Variants in KNTC1 observed in about 807,000 individuals in gnomAD.
KNTC1 encodes kinetochore associated 1, also known as kinetochore-associated protein 1.
KNTC1 carries 253 observed loss-of-function variants against 314.4 expected under a neutral mutation model. The observed-to-expected ratio is 0.80, with a 90% confidence interval of 0.73 to 0.89. The LOEUF (loss-of-function observed/expected upper bound fraction) is 0.89. Ranked by LOEUF, KNTC1 falls within the 40% of genes least tolerant of loss-of-function variation. The probability of loss-of-function intolerance (pLI) is 0.00; values close to 1 mark genes in which losing one functional copy is unlikely to be tolerated. For synonymous variants in KNTC1, 901 were observed against 901.4 expected (o/e 1.00, Z 0.01); for missense variants, 2,475 against 2,572.9 (o/e 0.96, Z 0.82).
intron 5 of KNTC1, among the ~76,000 whole-genome samples, chr12:122,541,656 TTCTC>T (rs983286973): frequency 7.6e-6 from 1 of 132,062 alleles, no homozygotes; most frequent in African/African-American, 2.5e-5. Flanking sequence ...CTTTCTGTCT[TTCTC>T]TCTTTCTTCA....
chr12:122,575,926 T>C, intron 29 of KNTC1, 27 bp downstream of exon 29: 3 of 1,570,408 alleles, frequency 1.9e-6, no homozygotes, highest in Non-Finnish European at 2.6e-6. Flanking sequence ...AAGAGTCTTT[T>C]TTCTCTTTCA....
At chr12:122,542,880 G>A (rs752996284) in intron 6 of KNTC1, among the ~76,000 whole-genome samples, 3 of 152,014 alleles carry the variant, frequency 2.0e-5, no homozygotes, top group Non-Finnish European at 4.4e-5. Context: ...TTTGGAACAG[G>A]TATTTAACAT....
chr12:122,547,661 C>T, intron 11 of KNTC1, 131 bp downstream of exon 11: 1 of 685,586 alleles, frequency 1.5e-6, no homozygotes, highest in African/African-American at 1.8e-5. Flanking sequence ...AGAGTAAAGA[C>T]CGTTTGCAAA....
chr12:122,603,080 A>T lies in KNTC1; in HGVS notation c.4938A>T (p.Lys1646Asn). The T allele has an allele frequency of 6.2e-7, 1 of 1,613,850 alleles. No homozygotes were observed. The highest frequency in any genetic ancestry group is 8.5e-7 in the Non-Finnish European group (1 of 1,179,882). The part of the protein sequence containing the change: ...VSTAKHVFEK[K>N]LKPKLLKLTQ... Reference sequence around the variant, plus strand: ...CAGCAAAACACGTTTTCGAAAAAAAACTGAAGCCAAAGCTCCTGAAGTTAA... The same window carrying T: ...CAGCAAAACACGTTTTCGAAAAAAATCTGAAGCCAAAGCTCCTGAAGTTAA... The change falls in exon 48 of 64, where the codon AAA becomes AAT. Residue 1646 changes from lysine (K) to asparagine (N), a missense_variant. Transcript: ENST00000333479.
chr12:122,568,750 T>G (rs1255852153), intron 21 of KNTC1, among the ~76,000 whole-genome samples: 3 of 152,026 alleles, frequency 2.0e-5, no homozygotes. Context: ...GCAGGGGAAT[T>G]TCTTTAACCC....
In KNTC1 at chr12:122,527,253, T is replaced by G; in HGVS notation, c.-172T>G. 4 of 270,462 alleles carry G rather than the reference T, an allele frequency of 1.5e-5. No homozygotes were observed. The South Asian group carries it at 1.6e-4, about 11-fold the overall frequency. The allele number at this position is 270,462 out of a possible 1,614,324, so 16.8% of individuals were successfully genotyped here. A position where few individuals can be genotyped will look rare whatever the true frequency, so the allele number is the denominator to read the frequency against. On this transcript the variant is annotated 5_prime_UTR_variant, in exon 1 of 64. Coordinates refer to ENST00000333479, the MANE Select transcript of KNTC1 (RefSeq NM_014708.6). ...TGGGTTTAGTGTTCTCCCGCCAATT[T>G]AAGCCTGTGGCATGGAACCTAAAGA...
At position 122,620,507 on chromosome 12, in the gene KNTC1, A is replaced by T. The variant is rs560306260; in HGVS notation, c.6178A>T (p.Ile2060Phe). Residue 2060 changes from isoleucine to phenylalanine, a missense_variant, in exon 60 of 64, where the codon ATC (isoleucine) becomes TTC (phenylalanine). Transcript: ENST00000333479. The stretch of plus-strand genomic sequence containing the variant: ...TCCAGTCTCAGGTGATCTTGACCTG[A>T]TCGGAGTCGCCAGGCAGTATATCCA... ...ECPVSGDLDL[I>F]GVARQYIQLE... 191 of 1,613,394 alleles carry T rather than the reference A, an allele frequency of 1.2e-4. No individual in the cohort carries two copies. Among genetic ancestry groups the T allele is most frequent in the Non-Finnish European group, 1.6e-4 (186 of 1,179,546 alleles).
chr12:122,599,775 A>G (rs748834727), intron 44 of KNTC1, among the ~76,000 whole-genome samples: 2 of 152,176 alleles, frequency 1.3e-5, no homozygotes, highest in Non-Finnish European at 2.9e-5. Context: ...CACTTTGTTC[A>G]ATGTTGTTTT....
intron 20 of KNTC1, among the ~76,000 whole-genome samples, chr12:122,563,217 T>G (rs988042657): frequency 6.6e-6 from 1 of 151,916 alleles, no homozygotes; most frequent in Non-Finnish European, 1.5e-5. Context: ...GTCACCCAGG[T>G]TCGAGTGCAG....
At chr12:122,578,721 A>G (rs574414556) in intron 31 of KNTC1, among the ~76,000 whole-genome samples, 52 of 152,196 alleles carry the variant, frequency 3.4e-4, no homozygotes, top group Middle Eastern at 6.8e-3. Flanking sequence ...CACTTGGCCA[A>G]TAGTTGGATT....
chr12:122,590,496 A>T, intron 40 of KNTC1, 111 bp from the exon 41 acceptor site: 1 of 1,085,812 alleles, frequency 9.2e-7, no homozygotes, highest in Non-Finnish European at 1.3e-6. Flanking sequence ...AGTTTTTTTT[A>T]AGTATAAATT....
intron 60 of KNTC1, among the ~76,000 whole-genome samples, chr12:122,621,432 G>A (rs1874420889): frequency 6.6e-6 from 1 of 152,072 alleles, no homozygotes; most frequent in South Asian, 2.1e-4. Flanking sequence ...GCTCACTGCA[G>A]CCTCCCTCCC....
chr12:122,561,338 T>A (rs907059926), intron 18 of KNTC1, among the ~76,000 whole-genome samples: 3 of 151,774 alleles, frequency 2.0e-5, no homozygotes, highest in Admixed American at 6.6e-5. Flanking sequence ...ATAATAATAA[T>A]AAATAAAAAA....
rs1375352924 is a variant in KNTC1, at chr12:122,547,673, T to C, written c.932+143T>C. On this transcript the variant is annotated intron_variant, in intron 11 of 63. Coordinates refer to ENST00000333479, the MANE Select transcript of KNTC1 (RefSeq NM_014708.6). The stretch of plus-strand genomic sequence containing the variant: ...GACAGAGTAAAGACCGTTTGCAAAA[T>C]TCACTGGGAACAGTTAGGCAATATG... 10 of 659,278 alleles carry C rather than the reference T, an allele frequency of 1.5e-5. 1 individual carries two copies. In the Middle Eastern group the frequency reaches 1.1e-3, roughly 75 times the overall value. The allele number at this position is 659,278 out of a possible 1,614,324, so 40.8% of individuals were successfully genotyped here. A position where few individuals can be genotyped will look rare whatever the true frequency, so the allele number is the denominator to read the frequency against.
rs569545202 is a variant in KNTC1 at position 122,619,121 on chromosome 12, G to A, written c.6149+576G>A. On this transcript the variant is annotated intron_variant, in intron 59 of 63. Transcript: ENST00000333479. ...CACCCAGGCTGGAGTGCAGTGGTGC[G>A]ACCTCAGCTCACTGCAAGCTCCGCC... 1.3e-4 allele frequency among the ~76,000 whole-genome samples: 18 copies of A among 141,040 alleles called. No individual in the cohort carries two copies. The South Asian group carries it at 4.0e-3, about 31-fold the overall frequency. The allele number at this position is 141,040 out of a possible 152,430, so 92.5% of individuals were successfully genotyped here.
chr12:122,562,778 G>A, intron 20 of KNTC1, 79 bp downstream of exon 20: 2 of 815,486 alleles, frequency 2.5e-6, no homozygotes, highest in Non-Finnish European at 2.1e-6. Context: ...GGGAGGCTGA[G>A]GTGGGCAGAT....
chr12:122,537,580 G>A (rs144576162), intron 3 of KNTC1, among the ~76,000 whole-genome samples: 120 of 151,958 alleles, frequency 7.9e-4, no homozygotes, highest in Non-Finnish European at 1.3e-3. Context: ...CACCATGTCC[G>A]GCTAATTTTA....
chr12:122,537,094 T>C (rs990047738), intron 3 of KNTC1, among the ~76,000 whole-genome samples: 1 of 152,194 alleles, frequency 6.6e-6, no homozygotes, highest in Non-Finnish European at 1.5e-5. Context: ...TTACATACTA[T>C]TGTTTTTCTG....
intron 43 of KNTC1, among the ~76,000 whole-genome samples, chr12:122,594,847 A>G (rs553178400): frequency 3.9e-5 from 6 of 152,250 alleles, no homozygotes; most frequent in Admixed American, 3.9e-4. Flanking sequence ...CTAATTTCCT[A>G]TTAAAAATGT....
Sources: allele counts gnomAD v4.1 joint callset (sites outside exome capture counted in the v4.1 genomes callset), GRCh38; gene constraint gnomAD v4.1.1; transcripts MANE v1.5; gene names NCBI Gene and HGNC (gene_info 2026-07-23, HGNC 2026-07-21).